Variants in RBFOX1 observed in about 807,000 individuals in gnomAD.
RBFOX1 encodes RNA binding fox-1 homolog 1, also known as RNA binding protein fox-1 homolog 1.
RBFOX1 carries 8 observed loss-of-function variants against 57.7 expected under a neutral mutation model. The observed-to-expected ratio is 0.14, with a 90% confidence interval of 0.08 to 0.25. The LOEUF is 0.25. RBFOX1 is among the 10% of genes least tolerant of loss of function. The pLI, the probability that RBFOX1 is intolerant of heterozygous loss-of-function variation, is 1.00. For missense variants in RBFOX1, 611 were observed against 548.5 expected (o/e 1.11, Z -1.14); for synonymous variants, 326 against 222.4 (o/e 1.47, Z -4.15).
At chr16:7,401,498 T>TAGACCC in intron 4 of RBFOX1, among the ~76,000 whole-genome samples, 1 of 152,060 alleles carries the variant, frequency 6.6e-6, no homozygotes, top group East Asian at 1.9e-4. Context: ...CTCAAACAGA[T>TAGACCC]TAGGTAGGTA....
chr16:7,420,167 C>T (rs1442399605), intron 4 of RBFOX1, among the ~76,000 whole-genome samples: 1 of 152,050 alleles, frequency 6.6e-6, no homozygotes, highest in Non-Finnish European at 1.5e-5. Context: ...TCTCTCCAGT[C>T]TAAATATTCT....
intron 2 of RBFOX1, among the ~76,000 whole-genome samples, chr16:5,485,987 A>T (rs2069718925): frequency 6.6e-6 from 1 of 152,224 alleles, no homozygotes; most frequent in Non-Finnish European, 1.5e-5. Context: ...TCTGCAAAGC[A>T]GCCAGCTCAT....
intron 4 of RBFOX1, among the ~76,000 whole-genome samples, chr16:5,986,136 A>T (rs1418187381): frequency 3.3e-5 from 5 of 149,680 alleles, no homozygotes; most frequent in Non-Finnish European, 7.4e-5. Context: ...ATCTTGGCAG[A>T]TCTTGCAACC....
intron 1 of RBFOX1, among the ~76,000 whole-genome samples, chr16:6,225,223 A>G (rs2097407384): frequency 8.1e-5 from 2 of 24,808 alleles, no homozygotes; most frequent in Admixed American, 7.3e-4. Flanking sequence ...TAACTGAAGT[A>G]GGAGAGTTAT....
At chr16:5,583,345 G>C (rs1287488037) in intron 2 of RBFOX1, among the ~76,000 whole-genome samples, 1 of 152,208 alleles carries the variant, frequency 6.6e-6, no homozygotes, top group Admixed American at 6.5e-5. Context: ...TTAATAGTAT[G>C]TATCTGTAAT....
chr16:6,700,747 C>G (rs921832199), intron 3 of RBFOX1, among the ~76,000 whole-genome samples: 4 of 152,104 alleles, frequency 2.6e-5, no homozygotes, highest in African/African-American at 9.7e-5. Flanking sequence ...TTTCTTGAAA[C>G]TCAAAATTTC....
chr16:5,979,793 C>T (rs965816642), intron 4 of RBFOX1, among the ~76,000 whole-genome samples: 4 of 152,058 alleles, frequency 2.6e-5, no homozygotes, highest in Non-Finnish European at 5.9e-5. Flanking sequence ...ACCCGGGAGG[C>T]AGAGGTTGCA....
At chr16:7,013,321 G>T (rs1317508593) in intron 3 of RBFOX1, among the ~76,000 whole-genome samples, 1 of 152,116 alleles carries the variant, frequency 6.6e-6, no homozygotes, top group Admixed American at 6.5e-5. Flanking sequence ...TCAGTGTTCT[G>T]CTCATGTTAT....
intron 4 of RBFOX1, among the ~76,000 whole-genome samples, chr16:7,380,997 G>T (rs1050348488): frequency 6.6e-6 from 1 of 152,218 alleles, no homozygotes; most frequent in East Asian, 1.9e-4. Context: ...CTATCCTAGT[G>T]TTCTGTCTTG....
chr16:7,652,706 C>T (rs1047564385), intron 11 of RBFOX1, among the ~76,000 whole-genome samples: 1 of 152,162 alleles, frequency 6.6e-6, no homozygotes, highest in Non-Finnish European at 1.5e-5. Context: ...GCGCCCAGCC[C>T]CCACATTCTC....
chr16:7,140,113 C>T (rs2073265134), intron 4 of RBFOX1, among the ~76,000 whole-genome samples: 1 of 143,488 alleles, frequency 7.0e-6, no homozygotes, highest in Admixed American at 7.0e-5. Flanking sequence ...TTTCTCTCTG[C>T]ATGAAACTAA....
chr16:6,815,783 T>G (rs1226556836), intron 3 of RBFOX1, among the ~76,000 whole-genome samples: 1 of 152,170 alleles, frequency 6.6e-6, no homozygotes, highest in East Asian at 1.9e-4. Context: ...ATTCTCTAAT[T>G]CCAACTACCT....
At chr16:5,730,778 C>T (rs1325793223) in intron 3 of RBFOX1, among the ~76,000 whole-genome samples, 1 of 152,076 alleles carries the variant, frequency 6.6e-6, no homozygotes, top group African/African-American at 2.4e-5. Flanking sequence ...CTACCATTGT[C>T]ACCAATGTTA....
At chr16:7,097,624 G>C (rs1350044108) in intron 4 of RBFOX1, among the ~76,000 whole-genome samples, 1 of 152,090 alleles carries the variant, frequency 6.6e-6, no homozygotes, top group Non-Finnish European at 1.5e-5. Context: ...CTCATAATAT[G>C]CAAGTCTACA....
intron 1 of RBFOX1, among the ~76,000 whole-genome samples, chr16:6,122,669 T>G (rs2096559828): frequency 6.6e-6 from 1 of 152,110 alleles, no homozygotes; most frequent in African/African-American, 2.4e-5. Flanking sequence ...ACCCTGGGGC[T>G]CACTGGCTCT....
At chr16:6,687,487 T>C (rs1301046231) in intron 3 of RBFOX1, among the ~76,000 whole-genome samples, 2 of 152,184 alleles carry the variant, frequency 1.3e-5, no homozygotes, top group African/African-American at 4.8e-5. Flanking sequence ...TTAAAAGTGG[T>C]GATCTCTGCT....
chr16:6,866,700 C>G (rs186469783), intron 3 of RBFOX1, among the ~76,000 whole-genome samples: 2 of 151,782 alleles, frequency 1.3e-5, no homozygotes, highest in Non-Finnish European at 1.5e-5. Context: ...TGCCACCACG[C>G]CTGGCTGATT....
chr16:7,532,052 C>T (rs1282553004), intron 5 of RBFOX1, among the ~76,000 whole-genome samples: 1 of 152,008 alleles, frequency 6.6e-6, no homozygotes, highest in African/African-American at 2.4e-5. Flanking sequence ...TATTTGACTT[C>T]TGCATTTTTG....
At chr16:7,291,040 T>A (rs1156376225) in intron 4 of RBFOX1, among the ~76,000 whole-genome samples, 1 of 152,220 alleles carries the variant, frequency 6.6e-6, no homozygotes, top group Admixed American at 6.5e-5. Context: ...TACATTCATA[T>A]CATTAAAGCA....
Sources: allele counts gnomAD v4.1 joint callset (sites outside exome capture counted in the v4.1 genomes callset), GRCh38; gene constraint gnomAD v4.1.1; transcripts MANE v1.5; gene names NCBI Gene and HGNC (gene_info 2026-07-23, HGNC 2026-07-21).